DPY19L3: variants seen among roughly 807,000 people sequenced by gnomAD.
DPY19L3 encodes protein C-mannosyl-transferase DPY19L3.
Under a neutral mutation model 92.3 loss-of-function variants are expected in DPY19L3, and 51 were observed. The ratio of observed to expected loss-of-function variants is 0.55; its 90% CI spans 0.44 to 0.70. The LOEUF (loss-of-function observed/expected upper bound fraction) is 0.70, where lower values mean the gene tolerates loss of function less well. Among genes scored for constraint, DPY19L3 ranks in the 30% least tolerant of loss-of-function variants. DPY19L3 has a pLI of 0.00. For synonymous variants in DPY19L3, 309 were observed against 315.2 expected (o/e 0.98, Z 0.21); for missense variants, 706 against 855.9 (o/e 0.82, Z 2.18).
chr19:32,445,895 G>T (rs1460506935), intron 8 of DPY19L3, among the ~76,000 whole-genome samples: 1 of 152,110 alleles, frequency 6.6e-6, no homozygotes, highest in African/African-American at 2.4e-5. Flanking sequence ...CAGCTACTCA[G>T]GAGGCTGAGG....
intron 3 of DPY19L3, among the ~76,000 whole-genome samples, chr19:32,414,126 TACAA>T (rs1172596875): frequency 2.6e-5 from 4 of 151,892 alleles, no homozygotes; most frequent in Non-Finnish European, 5.9e-5. Context: ...CTACTAAAGA[TACAA>T]AAGAAGAGGG....
chr19:32,424,237 C>T (rs1968679235), intron 3 of DPY19L3, among the ~76,000 whole-genome samples: 1 of 151,320 alleles, frequency 6.6e-6, no homozygotes, highest in Non-Finnish European at 1.5e-5. Flanking sequence ...GGAGGGTCAC[C>T]TGAGCTGGGG....
intron 15 of DPY19L3, among the ~76,000 whole-genome samples, chr19:32,466,706 G>A (rs1970213411): frequency 6.6e-6 from 1 of 152,252 alleles, no homozygotes; most frequent in Admixed American, 6.5e-5. Flanking sequence ...CCTGAATAAG[G>A]GAGTTAGTAT....
intron 17 of DPY19L3, among the ~76,000 whole-genome samples, chr19:32,479,306 G>A (rs1970603171): frequency 6.6e-6 from 1 of 152,044 alleles, no homozygotes; most frequent in Non-Finnish European, 1.5e-5. Context: ...CAGGCACCAG[G>A]TTCATCAGGG....
In DPY19L3 at chr19:32,439,844, T is replaced by C. The variant is rs1324103778; in HGVS notation, c.789T>C (p.Phe263=). The C allele has an allele frequency of 6.2e-7, 1 of 1,613,962 alleles. No homozygotes were observed. The highest frequency in any genetic ancestry group is 1.1e-5 in the South Asian group (1 of 91,080). The change falls in exon 8 of 19, where the codon TTT becomes TTC. Residue 263 remains phenylalanine, a synonymous_variant. Coordinates refer to ENST00000392250, the MANE Select transcript of DPY19L3 (RefSeq NM_001172774.2). ...LFSLTWQFNQ[F]MMLMQALVLF... is the part of the protein sequence containing the mutation. ...GTCTGACATGGCAATTTAATCAATT[T>C]ATGATGCTGATGCAAGCATTAGTGC... is the stretch of plus-strand genomic sequence containing the variant.
chr19:32,455,099 T>A (rs574127809), intron 10 of DPY19L3, 59 bp downstream of exon 10: 48 of 1,143,086 alleles, frequency 4.2e-5, no homozygotes, highest in Non-Finnish European at 5.6e-5. Context: ...GCATTGGAGA[T>A]AATTTTTGAA....
chr19:32,446,832 A>G (rs1969515229), intron 8 of DPY19L3, among the ~76,000 whole-genome samples: 1 of 152,218 alleles, frequency 6.6e-6, no homozygotes. Context: ...CATCAGAGAT[A>G]TAGAACCCAA....
chr19:32,478,268 G>A (rs914581100), intron 17 of DPY19L3, among the ~76,000 whole-genome samples: 3 of 152,186 alleles, frequency 2.0e-5, no homozygotes, highest in Non-Finnish European at 4.4e-5. Context: ...CACTAAGGAC[G>A]TGAGGTTAGG....
rs1353458185 is a variant in DPY19L3, at chr19:32,463,426, A to G, written c.1383A>G (p.Pro461=). The G allele has an allele frequency of 1.2e-6, 2 of 1,613,932 alleles. No homozygotes were observed. The highest frequency in any genetic ancestry group is 1.7e-6 in the Non-Finnish European group (2 of 1,179,840). The change falls in exon 13 of 19, where the codon CCA becomes CCG. Residue 461 remains proline, a synonymous_variant. Coordinates refer to ENST00000392250, the MANE Select transcript of DPY19L3 (RefSeq NM_001172774.2). ...AAAAAGGCACAGTTGACCTGAAACC[A>G]GAAACTGCCTACAACTTAATACATA... ...KMEKGTVDLK[P]ETAYNLIHTI...
At position 32,484,858 on chromosome 19, in the gene DPY19L3, A is replaced by T. The variant is rs1970759430; in HGVS notation, c.*2618A>T. 3 of 152,366 alleles carry T rather than the reference A, an allele frequency of 2.0e-5. No homozygotes were observed. The highest frequency in any genetic ancestry group is 4.1e-4 in the South Asian group (2 of 4,834). The allele number at this position is 152,366 out of a possible 1,614,324, so 9.4% of individuals were successfully genotyped here. The stretch of plus-strand genomic sequence containing the variant: ...GTTGAATACTTTGGTAAAAAGTGAT[A>T]AAGGCTGAGTTGCCAATAAAAGTTG... On this transcript the variant is annotated 3_prime_UTR_variant, in exon 19 of 19. Transcript: ENST00000392250.
chr19:32,410,401 T>C (rs986645749), intron 2 of DPY19L3, among the ~76,000 whole-genome samples: 5 of 152,214 alleles, frequency 3.3e-5, no homozygotes, highest in African/African-American at 9.6e-5. Flanking sequence ...ATATGTCCTT[T>C]AACTTGAGTT....
chr19:32,418,513 T>C (rs1369052669), intron 3 of DPY19L3, among the ~76,000 whole-genome samples: 1 of 152,216 alleles, frequency 6.6e-6, no homozygotes, highest in Non-Finnish European at 1.5e-5. Flanking sequence ...TCTGATTTAA[T>C]TTTTAAATAT....
chr19:32,422,876 C>T (rs569168526), intron 3 of DPY19L3, among the ~76,000 whole-genome samples: 38 of 152,108 alleles, frequency 2.5e-4, no homozygotes, highest in Non-Finnish European at 4.3e-4. Flanking sequence ...AAAAGTCAAC[C>T]TAGCATTCAG....
chr19:32,422,145 T>A (rs75553343), intron 3 of DPY19L3, among the ~76,000 whole-genome samples: 1 of 152,088 alleles, frequency 6.6e-6, no homozygotes, highest in Admixed American at 6.5e-5. Flanking sequence ...CCGGTGATAC[T>A]GCAACAAAAA....
chr19:32,427,912 G>A (rs1968819184), intron 3 of DPY19L3: 1 of 151,472 alleles, frequency 6.6e-6, no homozygotes, highest in African/African-American at 2.4e-5. Flanking sequence ...ATTTTTCGGT[G>A]GCTTCCCCAC....
intron 12 of DPY19L3, among the ~76,000 whole-genome samples, chr19:32,458,737 A>T (rs1969947900): frequency 6.6e-6 from 1 of 152,196 alleles, no homozygotes; most frequent in African/African-American, 2.4e-5. Flanking sequence ...CACACTTGGG[A>T]ACAAAGTGAC....
intron 3 of DPY19L3, among the ~76,000 whole-genome samples, chr19:32,421,489 A>G (rs984880221): frequency 5.3e-5 from 8 of 152,072 alleles, no homozygotes; most frequent in African/African-American, 1.9e-4. Flanking sequence ...AAAATACAAA[A>G]ATTAGCCAGG....
chr19:32,422,041 T>C (rs1568327980), intron 3 of DPY19L3, among the ~76,000 whole-genome samples: 1 of 152,154 alleles, frequency 6.6e-6, no homozygotes, highest in Non-Finnish European at 1.5e-5. Flanking sequence ...GTGCCTGGCC[T>C]CACCCCCACA....
Position 32,436,607 on chromosome 19 carries a change from G to T in DPY19L3, c.450+40G>T, listed in dbSNP as rs745997595. 4 of 1,387,926 alleles carry T rather than the reference G, an allele frequency of 2.9e-6. No homozygotes were observed. The South Asian group carries it at 7.4e-5, about 26-fold the overall frequency. The allele number at this position is 1,387,926 out of a possible 1,614,324, so 86.0% of individuals were successfully genotyped here. ...ATTGAATTATTAATATCAGATGAAA[G>T]TCAAAGTCTGCCATTTTGAACTGAA... is the stretch of plus-strand genomic sequence containing the variant. On this transcript the variant is annotated intron_variant, in intron 5 of 18. Transcript: ENST00000392250.
Sources: gnomAD v4.1 joint callset for allele counts (sites outside exome capture counted in the v4.1 genomes callset) on GRCh38, gnomAD v4.1.1 for gene constraint, MANE v1.5 for transcripts, NCBI Gene and HGNC (gene_info 2026-07-23, HGNC 2026-07-21) for gene names.